Variants in TM7SF3 observed in about 807,000 individuals in gnomAD.
TM7SF3 encodes the protein transmembrane 7 superfamily member 3.
Under a neutral mutation model 65.5 loss-of-function variants are expected in TM7SF3, and 60 were observed. The observed-to-expected ratio is 0.92, with a 90% confidence interval of 0.74 to 1.14. TM7SF3 has a LOEUF of 1.14. Ranked by LOEUF, TM7SF3 falls within the 50% of genes most tolerant of loss-of-function variation. TM7SF3 has a pLI of 0.00. For synonymous variants in TM7SF3, 264 were observed against 259.6 expected, an observed-to-expected ratio of 1.02 and a Z score of -0.16; for missense variants, 623 against 684.8, an observed-to-expected ratio of 0.91 and a Z score of 1.01.
intron 6 of TM7SF3, among the ~76,000 whole-genome samples, chr12:26,988,797 A>C (rs1191150270): frequency 6.6e-6 from 1 of 151,818 alleles, no homozygotes; most frequent in East Asian, 1.9e-4. Context: ...TTTCAGTAAA[A>C]GTCACACTGA....
chr12:26,974,626 CT>C (rs1369191867), intron 11 of TM7SF3, among the ~76,000 whole-genome samples: 1 of 152,164 alleles, frequency 6.6e-6, no homozygotes, highest in African/African-American at 2.4e-5. Context: ...ACGCTCATTT[CT>C]TTCCCATTCC....
At chr12:26,977,051 G>A (rs187604939) in intron 9 of TM7SF3, among the ~76,000 whole-genome samples, 15 of 152,308 alleles carry the variant, frequency 9.8e-5, no homozygotes, top group African/African-American at 3.4e-4. Context: ...TAGGCTGACT[G>A]CTGTTTAATA....
intron 1 of TM7SF3, among the ~76,000 whole-genome samples, chr12:27,010,824 T>A (rs1410704009): frequency 6.6e-6 from 1 of 152,264 alleles, no homozygotes; most frequent in Non-Finnish European, 1.5e-5. Flanking sequence ...TTACCCAGAA[T>A]CACTTTTTCT....
At chr12:27,012,332 G>C (rs1211846900) in intron 1 of TM7SF3, among the ~76,000 whole-genome samples, 1 of 152,044 alleles carries the variant, frequency 6.6e-6, no homozygotes, top group African/African-American at 2.4e-5. Context: ...TATACAGAGT[G>C]AATGTTAGTG....
Position 27,003,421 on chromosome 12 carries a change from C to T in TM7SF3, c.92-31G>A, listed in dbSNP as rs749695109. 5.1e-6 allele frequency: 8 copies of T among 1,566,092 alleles called. No homozygotes were observed. The Admixed American group carries it at 7.6e-5, about 15-fold the overall frequency. On this transcript the variant is annotated intron_variant, in intron 1 of 11. Coordinates refer to ENST00000343028, the MANE Select transcript of TM7SF3 (RefSeq NM_016551.3). Reference sequence around the variant, plus strand: ...ACGAGATAAACTTTTCATTACAACACTTGTACTCTCATATCAATTTGCAGA... The same window carrying T: ...ACGAGATAAACTTTTCATTACAACATTTGTACTCTCATATCAATTTGCAGA...
At chr12:26,983,994 T>C (rs961179285) in intron 6 of TM7SF3, among the ~76,000 whole-genome samples, 5 of 152,028 alleles carry the variant, frequency 3.3e-5, no homozygotes, top group South Asian at 2.1e-4. Context: ...CAAATCAAAA[T>C]ACATAAAATG....
At chr12:26,976,111 A>G in intron 10 of TM7SF3, 149 bp downstream of exon 10, 1 of 658,122 alleles carries the variant, frequency 1.5e-6, no homozygotes, top group Non-Finnish European at 2.6e-6. Context: ...CTTCGTTTTC[A>G]CAGTAACAAG....
chr12:27,008,199 G>A (rs1279142111), intron 1 of TM7SF3, among the ~76,000 whole-genome samples: 2 of 152,112 alleles, frequency 1.3e-5, no homozygotes, highest in Non-Finnish European at 2.9e-5. Context: ...TTGCCCAGAA[G>A]TCTCACCAAC....
chr12:26,987,879 CAAAT>C (rs1004459785), intron 6 of TM7SF3, among the ~76,000 whole-genome samples: 8 of 152,136 alleles, frequency 5.3e-5, no homozygotes, highest in African/African-American at 1.9e-4. Context: ...AGTAAAGAGA[CAAAT>C]AAATAAAGAG....
intron 2 of TM7SF3, among the ~76,000 whole-genome samples, chr12:27,002,388 A>C (rs773602589): frequency 1.4e-4 from 21 of 152,150 alleles, no homozygotes; most frequent in Non-Finnish European, 2.8e-4. Context: ...AGCCATGATC[A>C]CACGACCACA....
intron 1 of TM7SF3, among the ~76,000 whole-genome samples, chr12:27,011,442 G>A (rs535789921): frequency 6.6e-6 from 1 of 152,306 alleles, no homozygotes; most frequent in African/African-American, 2.4e-5. Flanking sequence ...GTCACAGAAA[G>A]CACCCTCCTC....
chr12:27,008,735 A>G (rs919601601), intron 1 of TM7SF3, among the ~76,000 whole-genome samples: 1 of 152,168 alleles, frequency 6.6e-6, no homozygotes, highest in African/African-American at 2.4e-5. Context: ...TCATATGTTC[A>G]TCTACTTGAC....
At chr12:26,977,464 G>T (rs548187797) in intron 9 of TM7SF3, among the ~76,000 whole-genome samples, 27 of 152,230 alleles carry the variant, frequency 1.8e-4, no homozygotes, top group Non-Finnish European at 3.5e-4. Flanking sequence ...AATATGGGTA[G>T]GCCTCTTGGC....
intron 9 of TM7SF3, chr12:26,978,086 ATCCTG>A (rs1186780439): frequency 6.6e-6 from 3 of 452,694 alleles, no homozygotes; most frequent in Non-Finnish European, 1.3e-5. Flanking sequence ...ACAGAAAGAG[ATCCTG>A]TCTCTAAAAA....
At chr12:26,988,848 C>T (rs1438898024) in intron 6 of TM7SF3, among the ~76,000 whole-genome samples, 1 of 151,992 alleles carries the variant, frequency 6.6e-6, no homozygotes, top group Admixed American at 6.6e-5. Context: ...CCTCTGCCAC[C>T]CCTGAGACAG....
rs1242615807 is a variant in TM7SF3, at chr12:27,003,326, T to G, written c.156A>C (p.Glu52Asp). 6.2e-7 allele frequency: 1 copy of G among 1,613,754 alleles called. No homozygotes were observed. The highest frequency in any genetic ancestry group is 1.1e-5 in the South Asian group (1 of 91,078). ...YFELNRPFPE[E>D]AILHDISSNV... ...TGCTTGAAATATCATGCAAAATAGC[T>G]TCCTCTGGAAAGGGCCTATTGAGCT... Residue 52 changes from glutamate to aspartate, a missense_variant, in exon 2 of 12, where the codon GAA (glutamate) becomes GAC (aspartate). Physicochemically the swap from Glu to Asp is conservative, Grantham distance 45. Coordinates refer to ENST00000343028, the MANE Select transcript of TM7SF3 (RefSeq NM_016551.3).
chr12:26,988,402 A>C (rs1213493198), intron 6 of TM7SF3, among the ~76,000 whole-genome samples: 1 of 152,144 alleles, frequency 6.6e-6, no homozygotes, highest in Non-Finnish European at 1.5e-5. Context: ...GAGCTCAAGC[A>C]ATCCGCCCAT....
chr12:27,003,639 G>A (rs989533441), intron 1 of TM7SF3, among the ~76,000 whole-genome samples: 2 of 152,198 alleles, frequency 1.3e-5, no homozygotes, highest in African/African-American at 4.8e-5. Context: ...GTATGCTGAA[G>A]ACAGGCTCCT....
intron 6 of TM7SF3, among the ~76,000 whole-genome samples, chr12:26,989,843 G>A (rs1031686984): frequency 6.6e-6 from 1 of 152,106 alleles, no homozygotes; most frequent in African/African-American, 2.4e-5. Flanking sequence ...CTTAGATCAT[G>A]GCACCATTTG....
Sources: allele counts gnomAD v4.1 joint callset (sites outside exome capture counted in the v4.1 genomes callset), GRCh38; gene constraint gnomAD v4.1.1; transcripts MANE v1.5; gene names NCBI Gene and HGNC (gene_info 2026-07-23, HGNC 2026-07-21).